The following RGS3 variants were observed in gnomAD, a reference collection of about 807,000 sequenced individuals.
RGS3 encodes regulator of G protein signaling 3, also known as regulator of G-protein signalling 3.
RGS3 carries 80 observed loss-of-function variants against 132.6 expected under a neutral mutation model. The ratio of observed to expected loss-of-function variants is 0.60; its 90% CI spans 0.50 to 0.73. The LOEUF is 0.73. Ranked by LOEUF, RGS3 falls within the 30% of genes least tolerant of loss-of-function variation. The pLI is 0.00. For missense variants in RGS3, 1,382 were observed against 1,530.8 expected, an observed-to-expected ratio of 0.90 and a Z score of 1.62; for synonymous variants, 598 against 620.6, an observed-to-expected ratio of 0.96 and a Z score of 0.54.
intron 18 of RGS3, among the ~76,000 whole-genome samples, chr9:113,534,376 C>G (rs761426898): frequency 5.3e-4 from 81 of 152,122 alleles, no homozygotes; most frequent in Non-Finnish European, 1.1e-3. Flanking sequence ...CAGTATCCAC[C>G]AAGGATTTGT....
intron 19 of RGS3, among the ~76,000 whole-genome samples, chr9:113,570,002 C>T (rs1341429909): frequency 6.6e-6 from 1 of 152,114 alleles, no homozygotes; most frequent in East Asian, 1.9e-4. Context: ...TGTGTCCAGC[C>T]ACATGCTCCT....
chr9:113,497,494 C>T (rs1830727070), intron 9 of RGS3, 90 bp downstream of exon 7: 6 of 1,066,718 alleles, frequency 5.6e-6, no homozygotes, highest in Non-Finnish European at 6.9e-6. Context: ...TATTTGGTGG[C>T]CCCTGCTACT....
chr9:113,582,570 T>C (rs919196142), intron 19 of RGS3: 1 of 152,194 alleles, frequency 6.6e-6, no homozygotes, highest in African/African-American at 2.4e-5. Flanking sequence ...CCTGTGTGGT[T>C]GTGGCACCAT....
intron 19 of RGS3, among the ~76,000 whole-genome samples, chr9:113,575,866 A>G (rs906920300): frequency 2.6e-5 from 4 of 152,178 alleles, no homozygotes; most frequent in African/African-American, 9.7e-5. Flanking sequence ...TTAAGAACCA[A>G]TAGTCTAGGT....
At chr9:113,597,047 G>A in exon 25 of RGS3, 1 of 1,081,672 alleles carries the variant, frequency 9.2e-7, no homozygotes, top group Non-Finnish European at 1.3e-6. Context: ...GGGCAAGCAA[G>A]CCCCCAGAGG....
chr9:113,577,187 T>C (rs1834571906), intron 19 of RGS3, among the ~76,000 whole-genome samples: 1 of 152,152 alleles, frequency 6.6e-6, no homozygotes, highest in Non-Finnish European at 1.5e-5. Context: ...TTTTACCATA[T>C]TGGCCAGGCT....
chr9:113,536,618 T>C, intron 18 of RGS3, 178 bp from the exon 17 acceptor site: 2 of 1,448,862 alleles, frequency 1.4e-6, no homozygotes, highest in South Asian at 1.4e-5. Flanking sequence ...CCCACTTCCC[T>C]GCGCCTCTGG....
At chr9:113,593,995 A>G (rs1356411468) in intron 21 of RGS3, 2 of 1,612,922 alleles carry the variant, frequency 1.2e-6, no homozygotes. Context: ...TGTCCCTTGC[A>G]GACACATGCC....
chr9:113,596,745 C>G (rs769834725), intron 24 of RGS3, 23 bp from the exon 23 acceptor site: 1 of 1,594,440 alleles, frequency 6.3e-7, no homozygotes, highest in South Asian at 1.1e-5. Context: ...CAGCCCTGAC[C>G]ATGTCCCCCT....
At chr9:113,543,186 G>A (rs1040059788) in intron 19 of RGS3, among the ~76,000 whole-genome samples, 1 of 152,246 alleles carries the variant, frequency 6.6e-6, no homozygotes, top group Non-Finnish European at 1.5e-5. Context: ...AGGGCTGGCT[G>A]AGGCCAGAGA....
intron 15 of RGS3, 60 bp downstream of exon 13, chr9:113,514,714 T>G: frequency 6.5e-7 from 1 of 1,549,474 alleles, no homozygotes; most frequent in East Asian, 2.3e-5. Context: ...AGGAGGGCCC[T>G]TGCCCCAGGA....
chr9:113,588,681 T>C (rs1271271600), intron 20 of RGS3, among the ~76,000 whole-genome samples: 1 of 152,250 alleles, frequency 6.6e-6, no homozygotes, highest in Non-Finnish European at 1.5e-5. Context: ...TGACATGTAG[T>C]GAACGCTCAA....
At chr9:113,566,475 C>G (rs1214156395) in intron 19 of RGS3, among the ~76,000 whole-genome samples, 1 of 152,080 alleles carries the variant, frequency 6.6e-6, no homozygotes, top group African/African-American at 2.4e-5. Flanking sequence ...ACCCTTGAAC[C>G]CTAGGACTCA....
At chr9:113,515,098 T>C (rs1028091468) in intron 15 of RGS3, among the ~76,000 whole-genome samples, 3 of 152,182 alleles carry the variant, frequency 2.0e-5, no homozygotes, top group African/African-American at 7.2e-5. Flanking sequence ...CTGTATTCAC[T>C]GGTGGCCTGC....
intron 21 of RGS3, chr9:113,593,863 C>T (rs1046050069): frequency 1.2e-5 from 19 of 1,526,182 alleles, no homozygotes; most frequent in Middle Eastern, 1.7e-4. Flanking sequence ...CTCCCTCCTT[C>T]CCTTTCAGCA....
rs148501275 is a variant in RGS3 at position 113,584,004 on chromosome 9, C to T, written c.2592C>T (p.Thr864=). ...TCCCTGAGGTCCGGCTGGATAGCAC[C>T]TACAGCCAGAAGGCAGGGGCAGAGC... is the stretch of plus-strand genomic sequence containing the variant. Residue 864 remains threonine, a synonymous_variant, in exon 20 of 25, where the codon ACC becomes ACT. Transcript: ENST00000350696. 1.8e-5 allele frequency: 29 copies of T among 1,614,122 alleles called. No individual in the cohort carries two copies. The African/African-American group carries it at 3.9e-4, about 22-fold the overall frequency.
At chr9:113,473,364 G>T (rs1362877921) in intron 3 of RGS3, among the ~76,000 whole-genome samples, 2 of 152,160 alleles carry the variant, frequency 1.3e-5, no homozygotes, top group Non-Finnish European at 2.9e-5. Flanking sequence ...CTGGCTGTGT[G>T]ATTTGGACAA....
chr9:113,546,755 C>T (rs1244758322), intron 19 of RGS3, among the ~76,000 whole-genome samples: 1 of 152,214 alleles, frequency 6.6e-6, no homozygotes, highest in Non-Finnish European at 1.5e-5. Flanking sequence ...CATGCTGACA[C>T]TGGGGAATTC....
rs1564584365 is a variant in RGS3 at position 113,569,637 on chromosome 9, CCT to C, written c.2038-13812_2038-13811del. 5.3e-5 allele frequency among the ~76,000 whole-genome samples: 8 copies of C among 149,996 alleles called. No individual in the cohort carries two copies. In the East Asian group the frequency reaches 1.2e-3, roughly 22 times the overall value. On this transcript the variant is annotated intron_variant, in intron 19 of 24. Transcript: ENST00000350696. ...TCCTTCCTTCCTTCCTTCCTTCCTT[CCT>C]TCCCTCCTTCCTTCCATGTGTGTTA...
Sources: allele counts gnomAD v4.1 joint callset (sites outside exome capture counted in the v4.1 genomes callset), GRCh38; gene constraint gnomAD v4.1.1; transcripts MANE v1.5; gene names NCBI Gene and HGNC (gene_info 2026-07-23, HGNC 2026-07-21).